ECT2: variants seen among roughly 807,000 people sequenced by gnomAD.
The protein encoded by ECT2 is protein ECT2.
In ECT2, 61 loss-of-function variants were observed where a neutral mutation model predicts 116.9. The observed-to-expected ratio is 0.52, with a 90% confidence interval of 0.42 to 0.65. ECT2 has a LOEUF of 0.65. ECT2 is among the 30% of genes least tolerant of loss of function. The probability of loss-of-function intolerance (pLI) is 0.00; values close to 1 mark genes in which losing one functional copy is unlikely to be tolerated. For missense variants in ECT2, 937 were observed against 1,078.7 expected (o/e 0.87, Z 1.84); for synonymous variants, 358 against 346.4 (o/e 1.03, Z -0.37).
intron 6 of ECT2, among the ~76,000 whole-genome samples, chr3:172,759,860 A>G (rs949138881): frequency 6.6e-6 from 1 of 152,194 alleles, no homozygotes; most frequent in Non-Finnish European, 1.5e-5. Flanking sequence ...AAAAACCAAT[A>G]TATTTACACA....
chr3:172,759,397 A>C (rs749813390), intron 6 of ECT2, among the ~76,000 whole-genome samples: 35 of 152,154 alleles, frequency 2.3e-4, no homozygotes, highest in Non-Finnish European at 3.8e-4. Flanking sequence ...TTCAGCCTGA[A>C]AGTATTCTGT....
At position 172,815,705 on chromosome 3, in the gene ECT2, A is replaced by C. The variant is rs1188514134; in HGVS notation, c.2502A>C (p.Ser834=). The C allele has an allele frequency of 6.3e-7, 1 of 1,583,520 alleles. No homozygotes were observed. The highest frequency in any genetic ancestry group is 8.6e-7 in the Non-Finnish European group (1 of 1,160,958). The part of the protein sequence containing the change: ...SRASRAIKKT[S]KKVTRAFSFS... ...CATCAAGAGCAATAAAAAAGACTTC[A>C]AAAAAGGTGAGTTTTAGTGAAAGTA... The change falls in exon 23 of 25, where the codon TCA becomes TCC. Residue 834 remains serine (S), a synonymous_variant. Coordinates refer to ENST00000392692, the MANE Select transcript of ECT2 (RefSeq NM_001258315.2).
chr3:172,811,356 AG>A (rs1335643490), intron 22 of ECT2, among the ~76,000 whole-genome samples: 3 of 152,322 alleles, frequency 2.0e-5, no homozygotes, highest in African/African-American at 4.8e-5. Context: ...CACTAAAGGA[AG>A]TACTTCATAT....
downstream of ECT2, among the ~76,000 whole-genome samples, chr3:172,825,105 C>G (rs1045794252): frequency 1.3e-5 from 2 of 152,094 alleles, no homozygotes; most frequent in African/African-American, 4.8e-5. Flanking sequence ...GTAATTCTTG[C>G]AATATTTTAT....
At chr3:172,790,140 T>C (rs540337987) in intron 18 of ECT2, among the ~76,000 whole-genome samples, 119 of 152,322 alleles carry the variant, frequency 7.8e-4, no homozygotes, top group African/African-American at 2.8e-3. Flanking sequence ...TCTCCGCTTA[T>C]GCCTCCAACC....
At chr3:172,792,205 A>C (rs912880964) in intron 18 of ECT2, among the ~76,000 whole-genome samples, 1 of 152,214 alleles carries the variant, frequency 6.6e-6, no homozygotes, top group South Asian at 2.1e-4. Context: ...TAATAATGAG[A>C]AAGTTTGAAG....
chr3:172,755,360 A>C lies in ECT2; in HGVS notation c.196A>C (p.Ile66Leu), dbSNP rs753227921. Residue 66 changes from isoleucine to leucine, a missense_variant, in exon 3 of 25, where the codon ATA becomes CTA. Ile to Leu is a conservative substitution (Grantham distance 5, BLOSUM62 2). Transcript: ENST00000392692. ...AGAAGCTGGAAAACAAGAAGAACTT[A>C]TAAAAGCCTTAAAGGTACGGAGTTT... ...VQEAGKQEEL[I>L]KALKTIKIME... 1 of 1,604,506 alleles carries C rather than the reference A, an allele frequency of 6.2e-7. No individual in the cohort carries two copies. Among genetic ancestry groups the C allele is most frequent in the Non-Finnish European group, 8.5e-7 (1 of 1,177,654 alleles).
At chr3:172,762,327 C>A in intron 8 of ECT2, 89 bp from the exon 9 acceptor site, 2 of 1,359,086 alleles carry the variant, frequency 1.5e-6, no homozygotes, top group Non-Finnish European at 2.0e-6. Context: ...ATGCCAAGAC[C>A]TTGAAAATTA....
At chr3:172,783,497 T>A (rs1253605125) in intron 15 of ECT2, among the ~76,000 whole-genome samples, 1 of 152,166 alleles carries the variant, frequency 6.6e-6, no homozygotes, top group African/African-American at 2.4e-5. Flanking sequence ...TGATATTTTT[T>A]AAAGTCATAG....
At chr3:172,827,097 C>A in the ECT2 span, among the ~76,000 whole-genome samples, 2 of 152,036 alleles carry the variant, frequency 1.3e-5, no homozygotes, top group Non-Finnish European at 2.9e-5. Context: ...ATCATCTCAC[C>A]CCAGTAAAGA....
chr3:172,806,757 C>T (rs1301966520), intron 21 of ECT2, among the ~76,000 whole-genome samples: 1 of 150,496 alleles, frequency 6.6e-6, no homozygotes, highest in Non-Finnish European at 1.5e-5. Context: ...TCTCCTGCCT[C>T]AGCCTCCTGA....
chr3:172,792,017 T>C (rs1448819923), intron 18 of ECT2, among the ~76,000 whole-genome samples: 2 of 152,108 alleles, frequency 1.3e-5, no homozygotes, highest in South Asian at 2.1e-4. Flanking sequence ...TCTCAGGGAA[T>C]GGAGAAGCAA....
At chr3:172,791,553 C>T (rs1488374454) in intron 18 of ECT2, among the ~76,000 whole-genome samples, 1 of 152,226 alleles carries the variant, frequency 6.6e-6, no homozygotes, top group African/African-American at 2.4e-5. Context: ...TTTTATGTTA[C>T]AGAAATGGCT....
chr3:172,764,879 A>G (rs1560262577), intron 12 of ECT2, among the ~76,000 whole-genome samples: 1 of 152,212 alleles, frequency 6.6e-6, no homozygotes, highest in Non-Finnish European at 1.5e-5. Flanking sequence ...AATAGGTAGA[A>G]TGAAGTCAGA....
intron 7 of ECT2, 122 bp from the exon 8 acceptor site, chr3:172,761,488 T>A: frequency 4.8e-6 from 3 of 625,136 alleles, no homozygotes; most frequent in Non-Finnish European, 8.4e-6. Flanking sequence ...AATTTTTAAA[T>A]TATTTTGTTA....
chr3:172,764,258 T>C lies in ECT2; in HGVS notation c.1069-20T>C. On this transcript the variant is annotated intron_variant, in intron 11 of 24. Transcript: ENST00000392692. ...AAAGAACCATGGAAGTAAATTGAGC[T>C]TGTGTGCTTTTGATTACAGGCAAAT... 6.2e-7 allele frequency: 1 copy of C among 1,602,234 alleles called. No individual in the cohort carries two copies. The highest frequency in any genetic ancestry group is 8.6e-7 in the Non-Finnish European group (1 of 1,169,556).
intron 6 of ECT2, among the ~76,000 whole-genome samples, chr3:172,759,742 C>T (rs923081829): frequency 2.0e-5 from 3 of 152,250 alleles, no homozygotes; most frequent in Non-Finnish European, 4.4e-5. Flanking sequence ...CCGCGCCCGG[C>T]CAGAAAGTTC....
chr3:172,829,205 C>T, the ECT2 span: 37 of 370,048 alleles, frequency 1.0e-4, no homozygotes, highest in Middle Eastern at 8.7e-4. Context: ...CCCTTGGTCT[C>T]GGCGCCCAGC....
chr3:172,773,857 T>G lies in ECT2; in HGVS notation c.1429-46T>G, dbSNP rs1298617149. 3 of 1,578,378 alleles carry G rather than the reference T, an allele frequency of 1.9e-6. No homozygotes were observed. The East Asian group carries it at 6.7e-5, about 35-fold the overall frequency. ...TATCACTGTCTATCTTTTAGCTCTT[T>G]TCTTTTTCCCACAATCTACTTAAAC... On this transcript the variant is annotated intron_variant, in intron 13 of 24. Coordinates refer to ENST00000392692, the MANE Select transcript of ECT2 (RefSeq NM_001258315.2).
Sources: gnomAD v4.1 joint callset for allele counts (sites outside exome capture counted in the v4.1 genomes callset) on GRCh38, gnomAD v4.1.1 for gene constraint, MANE v1.5 for transcripts, NCBI Gene and HGNC (gene_info 2026-07-23, HGNC 2026-07-21) for gene names.